Variants in PGCKA1 observed in about 807,000 individuals in gnomAD.
The protein encoded by PGCKA1 is PDCD10 and GCKIII kinases-associated protein 1.
At chr4:37,543,259 C>G in the PGCKA1 span, among the ~76,000 whole-genome samples, 5 of 152,196 alleles carry the variant, frequency 3.3e-5, no homozygotes, top group Non-Finnish European at 1.5e-5. Context: ...CCACCTCCAG[C>G]CCTACCATAC....
At chr4:37,588,817 T>G in the PGCKA1 span, 1 of 1,527,468 alleles carries the variant, frequency 6.5e-7, no homozygotes, top group African/African-American at 1.4e-5. Flanking sequence ...ACTCACTGTG[T>G]TCTCTACCTT....
the PGCKA1 span, among the ~76,000 whole-genome samples, chr4:37,481,464 C>CAAAAAAAAAAAAAAAAAA: frequency 3.1e-4 from 19 of 61,430 alleles, 1 homozygote; most frequent in East Asian, 6.1e-4. Context: ...GACCTGTCTC[C>CAAAAAAAAAAAAAAAAAA]AAAAAAAAAA....
the PGCKA1 span, among the ~76,000 whole-genome samples, chr4:37,572,524 A>AT: frequency 0.014 from 2,114 of 151,850 alleles, 126 homozygotes; most frequent in East Asian, 0.14. Flanking sequence ...TATACACACA[A>AT]TTTTTTTTCT....
the PGCKA1 span, among the ~76,000 whole-genome samples, chr4:37,579,969 T>C: frequency 3.3e-5 from 5 of 152,224 alleles, no homozygotes; most frequent in African/African-American, 7.2e-5. Flanking sequence ...TTTTATTCTT[T>C]TTTTCTTCTG....
chr4:37,531,194 C>T, the PGCKA1 span, among the ~76,000 whole-genome samples: 7 of 152,236 alleles, frequency 4.6e-5, no homozygotes, highest in African/African-American at 1.7e-4. Context: ...TAGCATCCCT[C>T]AGAACCACAT....
the PGCKA1 span, among the ~76,000 whole-genome samples, chr4:37,533,949 T>C: frequency 6.6e-6 from 1 of 152,244 alleles, no homozygotes; most frequent in East Asian, 1.9e-4. Context: ...TTTATTTTCT[T>C]AGGATGTCCA....
At chr4:37,478,099 G>C in the PGCKA1 span, among the ~76,000 whole-genome samples, 1 of 151,354 alleles carries the variant, frequency 6.6e-6, no homozygotes, top group African/African-American at 2.4e-5. Flanking sequence ...ATGGATTGGA[G>C]AATGCCCAAA....
At chr4:37,475,580 T>C in the PGCKA1 span, among the ~76,000 whole-genome samples, 1 of 152,220 alleles carries the variant, frequency 6.6e-6, no homozygotes, top group African/African-American at 2.4e-5. Flanking sequence ...AAATTTTGTC[T>C]AGTTTCTCTT....
chr4:37,564,880 G>C, the PGCKA1 span, among the ~76,000 whole-genome samples: 1 of 151,964 alleles, frequency 6.6e-6, no homozygotes, highest in African/African-American at 2.4e-5. Flanking sequence ...AGGCTGTCAG[G>C]CCCCACTCAG....
chr4:37,509,947 ACCGT>A, the PGCKA1 span, among the ~76,000 whole-genome samples: 1 of 141,366 alleles, frequency 7.1e-6, no homozygotes. Flanking sequence ...TCAGAGGGAG[ACCGT>A]GGAGAGAGAG....
At chr4:37,563,163 C>T in the PGCKA1 span, among the ~76,000 whole-genome samples, 1 of 119,996 alleles carries the variant, frequency 8.3e-6, no homozygotes, top group African/African-American at 2.7e-5. Context: ...GGTGGGATAA[C>T]TTCTAAGATT....
chr4:37,536,802 C>T, the PGCKA1 span, among the ~76,000 whole-genome samples: 1 of 152,208 alleles, frequency 6.6e-6, no homozygotes, highest in African/African-American at 2.4e-5. Context: ...TGTATTTGTT[C>T]TCTCTCTTGC....
chr4:37,583,865 C>G, the PGCKA1 span, among the ~76,000 whole-genome samples: 2 of 152,134 alleles, frequency 1.3e-5, no homozygotes, highest in African/African-American at 4.8e-5. Flanking sequence ...AAAGAGGAAG[C>G]AAATTTTGAT....
chr4:37,569,363 A>G, the PGCKA1 span, among the ~76,000 whole-genome samples: 4 of 151,316 alleles, frequency 2.6e-5, no homozygotes, highest in African/African-American at 9.7e-5. Flanking sequence ...ACGCCCAGCT[A>G]ATTTTTTGTA....
the PGCKA1 span, among the ~76,000 whole-genome samples, chr4:37,559,337 C>G: frequency 1.5e-5 from 2 of 131,788 alleles, no homozygotes; most frequent in African/African-American, 5.8e-5. Flanking sequence ...AGTAAACTAT[C>G]GCAAGAACAA....
the PGCKA1 span, among the ~76,000 whole-genome samples, chr4:37,573,518 A>G: frequency 1.8e-4 from 28 of 152,212 alleles, 1 homozygote; most frequent in African/African-American, 6.5e-4. Flanking sequence ...TTCTCTCTCA[A>G]TTCTTTTCCA....
the PGCKA1 span, among the ~76,000 whole-genome samples, chr4:37,592,326 G>A: frequency 3.4e-5 from 5 of 148,838 alleles, no homozygotes; most frequent in Admixed American, 3.4e-4. Flanking sequence ...GACCAACCTG[G>A]GCAATTTAGC....
chr4:37,520,926 C>A, the PGCKA1 span, among the ~76,000 whole-genome samples: 1 of 152,172 alleles, frequency 6.6e-6, no homozygotes, highest in East Asian at 1.9e-4. Context: ...CCTTTTTTCT[C>A]TTTTATTTTA....
the PGCKA1 span, among the ~76,000 whole-genome samples, chr4:37,521,746 T>C: frequency 1.3e-5 from 2 of 152,314 alleles, no homozygotes; most frequent in East Asian, 3.9e-4. Flanking sequence ...TTTATTGATT[T>C]TCTGTCTAAA....
Sources: allele counts gnomAD v4.1 joint callset (sites outside exome capture counted in the v4.1 genomes callset), GRCh38; gene constraint gnomAD v4.1.1; transcripts MANE v1.5; gene names NCBI Gene and HGNC (gene_info 2026-07-23, HGNC 2026-07-21).